PCDHGB1: variants seen among roughly 807,000 people sequenced by gnomAD.
PCDHGB1 encodes protocadherin gamma-B1.
Under a neutral mutation model 56.6 loss-of-function variants are expected in PCDHGB1, and 34 were observed. The ratio of observed to expected loss-of-function variants is 0.60; its 90% confidence interval spans 0.46 to 0.80. The LOEUF is 0.80. PCDHGB1 is among the 30% of genes least tolerant of loss of function. PCDHGB1 has a pLI of 0.00. For synonymous variants in PCDHGB1, 561 were observed against 505.9 expected (o/e 1.11, Z -1.46); for missense variants, 1,278 against 1,204.6 (o/e 1.06, Z -0.90).
chr5:141,429,638 A>G (rs2097231013), intron 1 of PCDHGB1, among the ~76,000 whole-genome samples: 1 of 152,238 alleles, frequency 6.6e-6, no homozygotes, highest in African/African-American at 2.4e-5. Flanking sequence ...ACAGCTACCT[A>G]TATATTTCTT....
rs374907617 is a variant in PCDHGB1 at position 141,350,300 on chromosome 5, G to T, written c.40G>T (p.Val14Leu). Residue 14 changes from valine (V) to leucine (L), a missense_variant, in exon 1 of 4, where the codon GTA becomes TTA. Transcript: ENST00000523390. ...AGAAGCCGAAATGATGAAAAGTCAG[G>T]TACTGTTTCCCTTCCTGCTGTCTTT... ...AREAEMMKSQ[V>L]LFPFLLSLFC... is the part of the protein sequence containing the mutation. The T allele has an allele frequency of 6.6e-7, 1 of 1,520,078 alleles. No individual in the cohort carries two copies. The highest frequency in any genetic ancestry group is 8.8e-7 in the Non-Finnish European group (1 of 1,136,062). 94.2% of individuals were successfully genotyped at this position (1,520,078 alleles called of 1,614,324 possible).
In PCDHGB1 at chr5:141,489,098, T is replaced by C; in HGVS notation, c.2410-5709T>C. 1 of 293,346 alleles carries C rather than the reference T, an allele frequency of 3.4e-6. No homozygotes were observed. The highest frequency in any genetic ancestry group is 5.5e-5 in the South Asian group (1 of 18,124). The allele number at this position is 293,346 out of a possible 1,614,324, so 18.2% of individuals were successfully genotyped here. A position where few individuals can be genotyped will look rare whatever the true frequency, so the allele number is the denominator to read the frequency against. ...CCCCCGCCACTCGGTGACTAAGAAC[T>C]GCTGCAAGCAGGCAAACCTCCGAGC... On this transcript the variant is annotated intron_variant, in intron 1 of 3. Transcript: ENST00000523390. The surrounding 1 kb of genome is among the most constrained non-coding windows in gnomAD (Gnocchi z 4.5).
chr5:141,503,214 T>C (rs994291483), intron 2 of PCDHGB1, among the ~76,000 whole-genome samples: 7 of 152,096 alleles, frequency 4.6e-5, no homozygotes, highest in African/African-American at 1.7e-4. Flanking sequence ...GTGCCCACCA[T>C]GAGCACCGTA....
Position 141,352,340 on chromosome 5 carries a change from T to A in PCDHGB1, c.2080T>A (p.Leu694Met). 1 of 1,614,076 alleles carries A rather than the reference T, an allele frequency of 6.2e-7. No homozygotes were observed. The highest frequency in any genetic ancestry group is 1.1e-5 in the South Asian group (1 of 91,086). The change falls in exon 1 of 4, where the codon TTG becomes ATG. Residue 694 changes from leucine to methionine, a missense_variant. Physicochemically the swap from Leu to Met is conservative, Grantham distance 15. Coordinates refer to ENST00000523390, the MANE Select transcript of PCDHGB1 (RefSeq NM_018922.3). ...LQFYLVVALA[L>M]ISVLFLLAVI... ...GTTTTACCTGGTTGTGGCCTTGGCC[T>A]TGATCTCAGTGCTCTTTCTCCTCGC... is the stretch of plus-strand genomic sequence containing the variant.
At chr5:141,482,345 T>G (rs192115752) in intron 1 of PCDHGB1, among the ~76,000 whole-genome samples, 8 of 152,122 alleles carry the variant, frequency 5.3e-5, no homozygotes, top group Admixed American at 5.2e-4. Context: ...CTTTGCAAAC[T>G]TGTTGTGAGA....
At chr5:141,373,976 G>T (rs1357062991) in intron 1 of PCDHGB1, 1 of 1,066,506 alleles carries the variant, frequency 9.4e-7, no homozygotes, top group Non-Finnish European at 1.3e-6. Context: ...CTTCGCATCC[G>T]GTCTCTGCTT....
At chr5:141,367,962 C>T (rs766516338) in intron 1 of PCDHGB1, among the ~76,000 whole-genome samples, 3 of 152,076 alleles carry the variant, frequency 2.0e-5, no homozygotes, top group Admixed American at 1.3e-4. Context: ...TCATATCTAA[C>T]GTATGTGCTC....
At position 141,486,392 on chromosome 5, in the gene PCDHGB1, C is replaced by T; in HGVS notation, c.2410-8415C>T. ...GTCTGCCTTCAGGAACCAGTTCTCC[C>T]TGGTGACTGCTGGACCCTTGGATCG... On this transcript the variant is annotated intron_variant, in intron 1 of 3. Coordinates refer to ENST00000523390, the MANE Select transcript of PCDHGB1 (RefSeq NM_018922.3). The surrounding 1 kb of genome is among the most constrained non-coding windows in gnomAD (Gnocchi z 5.0). 1 of 1,614,170 alleles carries T rather than the reference C, an allele frequency of 6.2e-7. No individual in the cohort carries two copies. Among genetic ancestry groups the T allele is most frequent in the Non-Finnish European group, 8.5e-7 (1 of 1,180,014 alleles).
chr5:141,403,340 G>T, intron 1 of PCDHGB1: 3 of 1,613,982 alleles, frequency 1.9e-6, no homozygotes, highest in African/African-American at 1.3e-5. Flanking sequence ...TAACGACAGC[G>T]CCCCAAAGTT....
chr5:141,413,032 C>A, intron 1 of PCDHGB1: 1 of 766,948 alleles, frequency 1.3e-6, no homozygotes, highest in Non-Finnish European at 2.0e-6. Context: ...CACAAACCGG[C>A]TGCTGGGCTG....
chr5:141,480,887 A>T (rs2099527301), intron 1 of PCDHGB1, among the ~76,000 whole-genome samples: 1 of 152,146 alleles, frequency 6.6e-6, no homozygotes. Flanking sequence ...TCTACTAAAA[A>T]TGCAAACATT....
At chr5:141,374,136 C>A (rs769413254) in intron 1 of PCDHGB1, 3 of 1,605,624 alleles carry the variant, frequency 1.9e-6, no homozygotes, top group Middle Eastern at 1.7e-4. Context: ...CTGCTCCTCA[C>A]GCTCCTGGGG....
At chr5:141,419,210 GTTT>G in intron 1 of PCDHGB1, 1 of 1,613,926 alleles carries the variant, frequency 6.2e-7, no homozygotes, top group East Asian at 2.2e-5. Flanking sequence ...CAACGCGCCG[GTTT>G]TCGGACAGTC....
chr5:141,414,351 G>C (rs771256149), intron 1 of PCDHGB1: 2 of 1,613,676 alleles, frequency 1.2e-6, no homozygotes, highest in Non-Finnish European at 1.7e-6. Context: ...CCATTTTGGC[G>C]TATCTACCAT....
At chr5:141,392,893 G>C in intron 1 of PCDHGB1, 1 of 1,613,780 alleles carries the variant, frequency 6.2e-7, no homozygotes, top group South Asian at 1.1e-5. Flanking sequence ...TGGGAAATCG[G>C]GAGGGGACAG....
At chr5:141,405,118 G>C (rs368800698) in intron 1 of PCDHGB1, 2 of 1,613,946 alleles carry the variant, frequency 1.2e-6, no homozygotes, top group Non-Finnish European at 8.5e-7. Flanking sequence ...GGCACTCCTC[G>C]CATCTGCTGC....
At chr5:141,388,539 G>T (rs747974278) in intron 1 of PCDHGB1, 1 of 1,613,740 alleles carries the variant, frequency 6.2e-7, no homozygotes. Context: ...GGACTTTGGA[G>T]CTCCACCCCT....
chr5:141,432,374 C>T lies in PCDHGB1; in HGVS notation c.2410-62433C>T. The T allele has an allele frequency of 6.2e-7, 1 of 1,614,240 alleles. No individual in the cohort carries two copies. The highest frequency in any genetic ancestry group is 1.1e-5 in the South Asian group (1 of 91,082). ...GAAAGTGATGGCGCGGGACAACGGG[C>T]ACCCGCCCCTCAGCAGCAACGTGTC... On this transcript the variant is annotated intron_variant, in intron 1 of 3. Transcript: ENST00000523390. The surrounding 1 kb of genome is among the most constrained non-coding windows in gnomAD (Gnocchi z 6.0).
chr5:141,400,071 G>A (rs2093956056), intron 1 of PCDHGB1: 1 of 1,613,824 alleles, frequency 6.2e-7, no homozygotes, highest in African/African-American at 1.3e-5. Flanking sequence ...GTGGACAGCC[G>A]CCACTCTCCG....
Sources: gnomAD v4.1 joint callset for allele counts (sites outside exome capture counted in the v4.1 genomes callset) on GRCh38, gnomAD v4.1.1 for gene constraint, Gnocchi (gnomAD v3.1) non-coding constraint, MANE v1.5 for transcripts, NCBI Gene and HGNC (gene_info 2026-07-23, HGNC 2026-07-21) for gene names.